Variants in FAM124A observed in about 807,000 individuals in gnomAD.
FAM124A encodes protein FAM124A.
FAM124A carries 23 observed loss-of-function variants against 24.5 expected under a neutral mutation model. The ratio of observed to expected loss-of-function variants is 0.94; its 90% CI spans 0.68 to 1.33. The LOEUF is 1.33. FAM124A is among the 40% of genes most tolerant of loss of function. The probability of loss-of-function intolerance (pLI) is 0.00; values close to 1 mark genes in which losing one functional copy is unlikely to be tolerated. For synonymous variants in FAM124A, 287 were observed against 314.7 expected, an observed-to-expected ratio of 0.91 and a Z score of 0.93; for missense variants, 623 against 722.8, an observed-to-expected ratio of 0.86 and a Z score of 1.58.
At chr13:51,225,976 CTTTTTTTTTTTTTTTT>C (rs780570797) in intron 1 of FAM124A, among the ~76,000 whole-genome samples, 1,180 of 67,594 alleles carry the variant, frequency 0.017, 17 homozygotes, top group East Asian at 0.089. Flanking sequence ...TGCTTGCTTT[CTTTTTTTTTTTTTTTT>C]TTTTTTTTTT....
chr13:51,251,638 C>T lies in FAM124A; in HGVS notation c.271C>T (p.Arg91Trp), dbSNP rs762639953. The T allele has an allele frequency of 6.4e-7, 1 of 1,565,002 alleles. No homozygotes were observed. The highest frequency in any genetic ancestry group is 8.7e-7 in the Non-Finnish European group (1 of 1,153,500). ...CGAGAGGCGGGCGTCCCGGCGGCGG[C>T]GGAAGCCCCCCAAGGGCGCTCAGCC... is the stretch of plus-strand genomic sequence containing the variant. ...VSERRASRRR[R>W]KPPKGAQPAL... is the part of the protein sequence containing the mutation. Residue 91 changes from arginine to tryptophan, a missense_variant, in exon 3 of 4, where the codon CGG (arginine) becomes TGG (tryptophan). Arg to Trp is a moderately radical substitution (Grantham distance 101). Transcript: ENST00000322475. This position sits in a 1 kb window ranked among gnomAD's most constrained non-coding sequence, Gnocchi z 5.3.
At chr13:51,264,234 T>TATA in intron 3 of FAM124A, among the ~76,000 whole-genome samples, 1 of 152,334 alleles carries the variant, frequency 6.6e-6, no homozygotes, top group South Asian at 2.1e-4. Flanking sequence ...AAATAAAATC[T>TATA]TATAGTCACT....
chr13:51,283,904 C>T lies in FAM124A; in HGVS notation c.*2648C>T, dbSNP rs1192190971. On this transcript the variant is annotated 3_prime_UTR_variant, in exon 4 of 4. Coordinates refer to ENST00000322475, the MANE Select transcript of FAM124A (RefSeq NM_001242312.2). ...TTTAGAGTACAACTCTGGACCCGCC[C>T]TCATCACAGTCCAATCTACCAAACT... is the stretch of plus-strand genomic sequence containing the variant. 6.6e-6 allele frequency: 1 copy of T among 152,194 alleles called. No homozygotes were observed. The highest frequency in any genetic ancestry group is 1.5e-5 in the Non-Finnish European group (1 of 68,022). 9.4% of individuals were successfully genotyped at this position (152,194 alleles called of 1,614,324 possible).
In FAM124A at chr13:51,251,441, A is replaced by T; in HGVS notation, c.101-27A>T. ...GAAATAATCATAATTGTATTCATTC[A>T]TCCATTCGTTTTTTGCGTGCCCCCA... On this transcript the variant is annotated intron_variant, in intron 2 of 3. Transcript: ENST00000322475. This position sits in a 1 kb window ranked among gnomAD's most constrained non-coding sequence, Gnocchi z 5.3. The T allele has an allele frequency of 6.7e-7, 1 of 1,494,550 alleles. No homozygotes were observed. The highest frequency in any genetic ancestry group is 8.9e-7 in the Non-Finnish European group (1 of 1,121,690). The allele number at this position is 1,494,550 out of a possible 1,614,324, so 92.6% of individuals were successfully genotyped here.
intron 3 of FAM124A, among the ~76,000 whole-genome samples, chr13:51,259,932 G>T (rs1484048043): frequency 6.6e-6 from 1 of 152,180 alleles, no homozygotes; most frequent in African/African-American, 2.4e-5. Flanking sequence ...GGCTGGTAGG[G>T]GTGTGTGCAG....
chr13:51,251,456 G>T lies in FAM124A; in HGVS notation c.101-12G>T. On this transcript the variant is annotated splice_polypyrimidine_tract_variant and intron_variant, in intron 2 of 3. Coordinates refer to ENST00000322475, the MANE Select transcript of FAM124A (RefSeq NM_001242312.2). This position sits in a 1 kb window ranked among gnomAD's most constrained non-coding sequence, Gnocchi z 5.3. ...GTATTCATTCATCCATTCGTTTTTT[G>T]CGTGCCCCCAGGTGAGCTTTCCGTT... 1.3e-6 allele frequency: 2 copies of T among 1,491,564 alleles called. No homozygotes were observed. Among genetic ancestry groups the T allele is most frequent in the Non-Finnish European group, 8.9e-7 (1 of 1,119,944 alleles). The allele number at this position is 1,491,564 out of a possible 1,614,324, so 92.4% of individuals were successfully genotyped here.
intron 3 of FAM124A, among the ~76,000 whole-genome samples, chr13:51,264,692 A>T (rs1286504888): frequency 6.6e-6 from 1 of 152,066 alleles, no homozygotes. Context: ...GCTTCCATTT[A>T]TTTATTTGAA....
At chr13:51,237,520 G>A (rs1259325450) in intron 2 of FAM124A, among the ~76,000 whole-genome samples, 1 of 152,052 alleles carries the variant, frequency 6.6e-6, no homozygotes, top group Non-Finnish European at 1.5e-5. Flanking sequence ...GTGAGCTGTG[G>A]CACAGCTGGA....
chr13:51,265,829 C>A (rs181640187), intron 3 of FAM124A, among the ~76,000 whole-genome samples: 5 of 152,282 alleles, frequency 3.3e-5, no homozygotes, highest in Admixed American at 2.6e-4. Context: ...TATCACTTTC[C>A]TGACTGAGAT....
intron 3 of FAM124A, among the ~76,000 whole-genome samples, chr13:51,261,518 G>A (rs546391063): frequency 6.3e-4 from 96 of 152,212 alleles, no homozygotes; most frequent in African/African-American, 1.9e-3. Flanking sequence ...TTTCAGCCCT[G>A]AGAGGAAGAG....
chr13:51,279,803 T>C (rs1465961970), intron 3 of FAM124A, among the ~76,000 whole-genome samples: 1 of 152,138 alleles, frequency 6.6e-6, no homozygotes, highest in African/African-American at 2.4e-5. Context: ...AGGTAACGTA[T>C]ATAGAGGAAT....
intron 2 of FAM124A, among the ~76,000 whole-genome samples, chr13:51,239,107 C>T (rs183276829): frequency 6.6e-6 from 1 of 152,330 alleles, no homozygotes; most frequent in African/African-American, 2.4e-5. Flanking sequence ...GATATCTGGT[C>T]TACCAGAATC....
At chr13:51,268,493 A>G (rs1954810485) in intron 3 of FAM124A, among the ~76,000 whole-genome samples, 4 of 152,342 alleles carry the variant, frequency 2.6e-5, no homozygotes, top group African/African-American at 9.6e-5. Flanking sequence ...GAAGAGGGGG[A>G]ATCCAGTTGG....
At chr13:51,261,481 CGGCA>C (rs1954737464) in intron 3 of FAM124A, among the ~76,000 whole-genome samples, 1 of 152,168 alleles carries the variant, frequency 6.6e-6, no homozygotes, top group African/African-American at 2.4e-5. Context: ...AATATTCCGG[CGGCA>C]GGTATAAGTG....
intron 2 of FAM124A, among the ~76,000 whole-genome samples, chr13:51,242,934 G>C (rs960784599): frequency 6.6e-6 from 1 of 152,148 alleles, no homozygotes; most frequent in African/African-American, 2.4e-5. Context: ...CTATAGACCA[G>C]AAAGATCCTT....
chr13:51,267,809 C>T (rs182136556), intron 3 of FAM124A, among the ~76,000 whole-genome samples: 39 of 152,342 alleles, frequency 2.6e-4, no homozygotes, highest in South Asian at 1.7e-3. Flanking sequence ...CTTTTCAGTA[C>T]TCCTTTACTG....
At chr13:51,259,066 C>A (rs1404587071) in intron 3 of FAM124A, among the ~76,000 whole-genome samples, 1 of 152,216 alleles carries the variant, frequency 6.6e-6, no homozygotes, top group East Asian at 1.9e-4. Context: ...CAGGAACAGG[C>A]AAATCATGCT....
intron 2 of FAM124A, among the ~76,000 whole-genome samples, chr13:51,239,298 T>C (rs1463605265): frequency 1.3e-5 from 2 of 152,226 alleles, no homozygotes; most frequent in Admixed American, 1.3e-4. Flanking sequence ...AATCCTACTA[T>C]CCAGAAGCAA....
chr13:51,243,513 AC>A (rs980725024), intron 2 of FAM124A, among the ~76,000 whole-genome samples: 19 of 151,722 alleles, frequency 1.3e-4, no homozygotes, highest in African/African-American at 4.4e-4. Context: ...CTGCTTTCAG[AC>A]CTGGTTGTTG....
Sources: allele counts gnomAD v4.1 joint callset (sites outside exome capture counted in the v4.1 genomes callset), GRCh38; gene constraint gnomAD v4.1.1; non-coding constraint Gnocchi (gnomAD v3.1); transcripts MANE v1.5; gene names NCBI Gene and HGNC (gene_info 2026-07-23, HGNC 2026-07-21).